The following SOX6 variants were observed in gnomAD, a reference collection of about 807,000 sequenced individuals.
The protein encoded by SOX6 is transcription factor SOX-6.
Under a neutral mutation model 97.8 loss-of-function variants are expected in SOX6, and 11 were observed. The observed-to-expected ratio is 0.11, with a 90% CI of 0.07 to 0.19. The LOEUF is 0.19. Ranked by LOEUF, SOX6 falls within the 10% of genes least tolerant of loss-of-function variation. The probability of loss-of-function intolerance (pLI) is 1.00; values close to 1 mark genes in which losing one functional copy is unlikely to be tolerated. For synonymous variants in SOX6, 360 were observed against 371.4 expected (o/e 0.97, Z 0.35); for missense variants, 810 against 1,039.5 (o/e 0.78, Z 3.04).
intron 4 of SOX6, among the ~76,000 whole-genome samples, chr11:16,598,425 T>C (rs565829158): frequency 1.3e-5 from 2 of 152,176 alleles, no homozygotes; most frequent in Admixed American, 1.3e-4. Flanking sequence ...CTCAGTTTTA[T>C]CAACAACCTG....
chr11:16,491,433 A>G (rs527479113), intron 4 of SOX6, among the ~76,000 whole-genome samples: 22 of 152,286 alleles, frequency 1.4e-4, no homozygotes, highest in African/African-American at 5.3e-4. Context: ...TCAAAATTAT[A>G]AAGAAGTCAA....
upstream of SOX6, among the ~76,000 whole-genome samples, chr11:16,480,871 A>C (rs571162293): frequency 6.6e-6 from 1 of 152,264 alleles, no homozygotes; most frequent in South Asian, 2.1e-4. Context: ...AACTTTTTAA[A>C]ATTTATTGAT....
At chr11:16,346,247 C>T (rs753361216) in intron 1 of SOX6, among the ~76,000 whole-genome samples, 1 of 151,994 alleles carries the variant, frequency 6.6e-6, no homozygotes, top group Non-Finnish European at 1.5e-5. Flanking sequence ...TATCACAGTG[C>T]CTCTCATCTT....
chr11:15,977,327 C>T (rs779036853), intron 15 of SOX6, among the ~76,000 whole-genome samples: 19 of 152,018 alleles, frequency 1.2e-4, no homozygotes, highest in Non-Finnish European at 2.4e-4. Context: ...TACAGTGGAC[C>T]TTGTCATTTT....
chr11:16,683,722 A>G (rs1448655744), intron 3 of SOX6, among the ~76,000 whole-genome samples: 1 of 152,238 alleles, frequency 6.6e-6, no homozygotes, highest in Non-Finnish European at 1.5e-5. Context: ...AACAAAAGCC[A>G]AAATTGACAA....
At chr11:16,499,746 C>T (rs1860669284) in intron 4 of SOX6, among the ~76,000 whole-genome samples, 2 of 152,112 alleles carry the variant, frequency 1.3e-5, no homozygotes, top group South Asian at 4.1e-4. Context: ...TACACCCTCC[C>T]AACACTAAAC....
intron 4 of SOX6, among the ~76,000 whole-genome samples, chr11:16,514,149 AAGGCTGC>A (rs1335264705): frequency 1.3e-5 from 2 of 150,900 alleles, no homozygotes; most frequent in African/African-American, 4.9e-5. Context: ...CCAGATGGTC[AAGGCTGC>A]AGTGAGCCGG....
chr11:16,520,623 G>A (rs1189835143), intron 4 of SOX6, among the ~76,000 whole-genome samples: 1 of 152,210 alleles, frequency 6.6e-6, no homozygotes, highest in Non-Finnish European at 1.5e-5. Context: ...CCAGACAGTG[G>A]GCGTAGGACA....
At chr11:16,669,436 C>T (rs987619076) in intron 3 of SOX6, among the ~76,000 whole-genome samples, 5 of 152,216 alleles carry the variant, frequency 3.3e-5, no homozygotes, top group Admixed American at 3.3e-4. Context: ...CTAGGGACTG[C>T]AGCACACCCC....
At chr11:16,540,845 C>T (rs940900862) in intron 4 of SOX6, among the ~76,000 whole-genome samples, 18 of 152,028 alleles carry the variant, frequency 1.2e-4, no homozygotes, top group South Asian at 2.1e-4. Flanking sequence ...TGGAAGAACA[C>T]TCCATGCTCA....
chr11:16,606,663 G>C (rs1483612874), intron 4 of SOX6, among the ~76,000 whole-genome samples: 1 of 152,182 alleles, frequency 6.6e-6, no homozygotes, highest in East Asian at 1.9e-4. Context: ...AGTGAGGTGG[G>C]CCGAGAGGGC....
chr11:16,601,583 G>A lies in SOX6; in HGVS notation n.609+10498C>T, dbSNP rs184966505. ...CAAACATGGAAAGAGATACATAACC[G>A]AACAAAACAGAAAAGCATAGAAAAT... is the stretch of plus-strand genomic sequence containing the variant. On this transcript the variant is annotated intron_variant and non_coding_transcript_variant, in intron 4 of 5. Transcript: ENST00000524520. 1.7e-3 allele frequency among the ~76,000 whole-genome samples: 260 copies of A among 152,084 alleles called. 5 individuals are homozygous for A. The highest frequency in any genetic ancestry group is 3.4e-3 in the Middle Eastern group (1 of 290).
chr11:16,235,869 A>G (rs1239411464), intron 3 of SOX6, among the ~76,000 whole-genome samples: 2 of 152,112 alleles, frequency 1.3e-5, no homozygotes, highest in African/African-American at 2.4e-5. Context: ...AGACCACTGC[A>G]TGGTTAGAAA....
At position 16,623,684 on chromosome 11, in the gene SOX6, T is replaced by TA. The variant is rs201706067; in HGVS notation, n.430-11425dup. Among the ~76,000 whole-genome samples the TA allele has an allele frequency of 8.3e-3, 1,270 of 152,348 alleles. 20 individuals are homozygous for TA. The highest frequency in any genetic ancestry group is 0.028 in the African/African-American group (1,155 of 41,582). ...TTCTGATGTCATCTTCTAGAATTTT[T>TA]ACAGTTTCACGTCTTAGATTTAAGT... is the stretch of plus-strand genomic sequence containing the variant. On this transcript the variant is annotated intron_variant and non_coding_transcript_variant, in intron 3 of 5. Transcript: ENST00000524520.
intron 1 of SOX6, among the ~76,000 whole-genome samples, chr11:16,456,953 A>G (rs1377839939): frequency 1.3e-5 from 2 of 152,122 alleles, no homozygotes; most frequent in East Asian, 1.9e-4. Context: ...TTTGAAAATC[A>G]AAGGTTTTTA....
intron 4 of SOX6, among the ~76,000 whole-genome samples, chr11:16,233,791 C>T (rs879507575): frequency 2.4e-4 from 37 of 152,010 alleles, no homozygotes; most frequent in Non-Finnish European, 5.3e-4. Flanking sequence ...AGGCAGATCA[C>T]GAGGTCAAGA....
At position 16,603,071 on chromosome 11, in the gene SOX6, G is replaced by A. The variant is rs1234311757; in HGVS notation, n.609+9010C>T. Reference sequence around the variant, plus strand: ...AAGCTAACCCTGTCCCACTAAACTTGTGAAAGATTTAGGATGTTTGCTTGT... The same window carrying A: ...AAGCTAACCCTGTCCCACTAAACTTATGAAAGATTTAGGATGTTTGCTTGT... On this transcript the variant is annotated intron_variant and non_coding_transcript_variant, in intron 4 of 5. Coordinates refer to the SOX6 transcript ENST00000524520. Among the ~76,000 whole-genome samples, 3 of 152,102 alleles carry A rather than the reference G, an allele frequency of 2.0e-5. No homozygotes were observed. The East Asian group carries it at 5.8e-4, about 29-fold the overall frequency.
At chr11:16,526,845 G>A (rs899730778) in intron 4 of SOX6, among the ~76,000 whole-genome samples, 1 of 152,050 alleles carries the variant, frequency 6.6e-6, no homozygotes, top group African/African-American at 2.4e-5. Flanking sequence ...GAACTCAAAT[G>A]TGGCATTGAG....
chr11:16,174,666 C>T (rs1317992214), intron 6 of SOX6, among the ~76,000 whole-genome samples: 1 of 151,854 alleles, frequency 6.6e-6, no homozygotes. Context: ...TAAGTATAGA[C>T]ATAATTCACA....
Sources: allele counts gnomAD v4.1 joint callset (sites outside exome capture counted in the v4.1 genomes callset), GRCh38; gene constraint gnomAD v4.1.1; transcripts MANE v1.5; gene names NCBI Gene and HGNC (gene_info 2026-07-23, HGNC 2026-07-21).